DMD: variants seen among roughly 807,000 people sequenced by gnomAD.
DMD encodes the protein dystrophin, also known as mutant dystrophin.
DMD carries 63 observed loss-of-function variants against 330.1 expected under a neutral mutation model. The ratio of observed to expected loss-of-function variants is 0.19; its 90% CI spans 0.16 to 0.24. The LOEUF (loss-of-function observed/expected upper bound fraction) is 0.24. Among genes scored for constraint, DMD ranks in the 10% least tolerant of loss-of-function variants. The probability of loss-of-function intolerance (pLI) is 1.00; values close to 1 mark genes in which losing one functional copy is unlikely to be tolerated. For synonymous variants in DMD, 1,223 were observed against 959.8 expected, an observed-to-expected ratio of 1.27 and a Z score of -5.07; for missense variants, 3,344 against 2,684.1, an observed-to-expected ratio of 1.25 and a Z score of -5.43.
At chrX:33,114,272 G>A (rs2095364722) in intron 1 of DMD, among the ~76,000 whole-genome samples, 1 of 108,695 alleles carries the variant, frequency 9.2e-6, no homozygotes, top group Non-Finnish European at 1.9e-5. Flanking sequence ...ACCACGCCTG[G>A]CTAAATTTTG....
At chrX:31,958,097 T>G (rs1373544772) in intron 45 of DMD, among the ~76,000 whole-genome samples, 2 of 67,914 alleles carry the variant, frequency 2.9e-5, no homozygotes, top group Non-Finnish European at 5.2e-5. Flanking sequence ...ATTTGGCCTG[T>G]TTTTTTTTTT....
At chrX:31,388,704 C>T (rs1470862472) in intron 60 of DMD, among the ~76,000 whole-genome samples, 1 of 111,327 alleles carries the variant, frequency 9.0e-6, no homozygotes, top group Admixed American at 9.5e-5. Context: ...GAGTTTGAGA[C>T]CAGCCTGACC....
rs772917794 is a variant in DMD, at chrX:32,728,614, G to C, written c.650-29321C>G. ...GTTAGCAACAAAGCTTGTCTTATCA[G>C]ACATTTCACCTTGGCCTATGAGAAA... On this transcript the variant is annotated intron_variant, in intron 7 of 78. Transcript: ENST00000357033. 8.9e-5 allele frequency among the ~76,000 whole-genome samples: 10 copies of C among 112,208 alleles called. No homozygotes were observed. The East Asian group carries it at 2.5e-3, about 29-fold the overall frequency.
intron 1 of DMD, among the ~76,000 whole-genome samples, chrX:33,178,185 G>C (rs2049777952): frequency 9.0e-6 from 1 of 110,792 alleles, no homozygotes; most frequent in South Asian, 3.7e-4. Flanking sequence ...ATATCCAGTG[G>C]GATTTGGAGG....
chrX:31,148,870 C>G (rs2037049838), intron 74 of DMD, among the ~76,000 whole-genome samples: 1 of 111,600 alleles, frequency 9.0e-6, no homozygotes. Context: ...TTGTCTTTTT[C>G]TTTTTAAACC....
At chrX:31,983,386 G>A (rs748634263) in intron 44 of DMD, among the ~76,000 whole-genome samples, 1 of 110,827 alleles carries the variant, frequency 9.0e-6, no homozygotes, top group South Asian at 3.8e-4. Context: ...CTAATCCTAT[G>A]TGGATTGAAG....
At chrX:33,167,702 G>A (rs1393782820) in intron 1 of DMD, among the ~76,000 whole-genome samples, 1 of 110,189 alleles carries the variant, frequency 9.1e-6, no homozygotes, top group Non-Finnish European at 1.9e-5. Flanking sequence ...CAAGCACAGG[G>A]GACCAAAACT....
chrX:31,309,364 T>C (rs1386432861), intron 62 of DMD, among the ~76,000 whole-genome samples: 3 of 112,029 alleles, frequency 2.7e-5, no homozygotes, highest in Admixed American at 9.5e-5. Flanking sequence ...TTATTACTTA[T>C]ATAATTTTAA....
intron 74 of DMD, among the ~76,000 whole-genome samples, chrX:31,157,357 G>A (rs767421480): frequency 7.2e-5 from 8 of 111,735 alleles, no homozygotes; most frequent in Non-Finnish European, 1.3e-4. Flanking sequence ...TTCAACACAA[G>A]AAGAATTCAT....
chrX:33,095,964 ATTTTTT>A (rs35906927), intron 1 of DMD, among the ~76,000 whole-genome samples: 2 of 51,571 alleles, frequency 3.9e-5, no homozygotes, highest in South Asian at 1.9e-3. Context: ...TTCTTCCAGA[ATTTTTT>A]TTTTTTTTTT....
intron 63 of DMD, among the ~76,000 whole-genome samples, chrX:31,223,455 T>C (rs1233904466): frequency 1.8e-5 from 2 of 112,489 alleles, no homozygotes; most frequent in East Asian, 2.8e-4. Context: ...TCTACTGTAG[T>C]GAATCTTTTC....
At chrX:31,898,081 A>G (rs1045323158) in intron 47 of DMD, among the ~76,000 whole-genome samples, 3 of 110,346 alleles carry the variant, frequency 2.7e-5, no homozygotes, top group Non-Finnish European at 3.8e-5. Flanking sequence ...GGACCTCTTC[A>G]AGGAGAACTA....
chrX:33,291,175 T>C (rs1312828486), intron 1 of DMD, among the ~76,000 whole-genome samples: 1 of 111,768 alleles, frequency 8.9e-6, no homozygotes, highest in Non-Finnish European at 1.9e-5. Context: ...TCTCAATAGA[T>C]GCAGAAAAGG....
chrX:32,760,378 T>A (rs902735924), intron 7 of DMD, among the ~76,000 whole-genome samples: 2 of 112,028 alleles, frequency 1.8e-5, no homozygotes, highest in African/African-American at 6.5e-5. Flanking sequence ...GCCTTCTCTA[T>A]CTCTCTTCAC....
At chrX:32,920,216 C>A (rs2088259763) in intron 2 of DMD, among the ~76,000 whole-genome samples, 1 of 110,997 alleles carries the variant, frequency 9.0e-6, no homozygotes, top group African/African-American at 3.3e-5. Flanking sequence ...AGTATCTAAC[C>A]CAAGTATTAT....
intron 2 of DMD, among the ~76,000 whole-genome samples, chrX:32,906,602 G>A (rs143522596): frequency 3.3e-4 from 37 of 111,777 alleles, no homozygotes; most frequent in African/African-American, 1.2e-3. Flanking sequence ...AGGGAGGCAT[G>A]GTCCAGTTAT....
At chrX:32,057,711 C>T (rs145724271) in intron 44 of DMD, among the ~76,000 whole-genome samples, 6,628 of 110,540 alleles carry the variant, frequency 0.06, 172 homozygotes, top group Non-Finnish European at 0.073. Flanking sequence ...TAATCCCAAT[C>T]GCATTTTTTA....
intron 2 of DMD, among the ~76,000 whole-genome samples, chrX:32,889,507 C>T (rs2084981562): frequency 9.0e-6 from 1 of 110,534 alleles, no homozygotes; most frequent in African/African-American, 3.3e-5. Context: ...CTGTGACCTG[C>T]CCTTATACAT....
At chrX:31,975,366 A>G (rs1384483274) in intron 44 of DMD, among the ~76,000 whole-genome samples, 3 of 112,170 alleles carry the variant, frequency 2.7e-5, no homozygotes, top group Non-Finnish European at 3.8e-5. Flanking sequence ...AATAAATGTT[A>G]GCTCTCTCTA....
Sources: allele counts gnomAD v4.1 joint callset (sites outside exome capture counted in the v4.1 genomes callset), GRCh38; gene constraint gnomAD v4.1.1; transcripts MANE v1.5; gene names NCBI Gene and HGNC (gene_info 2026-07-23, HGNC 2026-07-21).